The following CRKL variants were observed in gnomAD, a reference collection of about 807,000 sequenced individuals.
CRKL encodes the protein CRK like proto-oncogene, adaptor protein, also known as crk-like protein.
CRKL carries 3 observed loss-of-function variants against 23.0 expected under a neutral mutation model. That is an observed-to-expected ratio of 0.13 (90% CI 0.06 to 0.34). The LOEUF is 0.34. CRKL is among the 10% of genes least tolerant of loss of function. The pLI is 1.00. For missense variants in CRKL, 256 were observed against 394.5 expected (o/e 0.65, Z 2.97); for synonymous variants, 188 against 160.7 (o/e 1.17, Z -1.28).
At chr22:20,920,420 C>G (rs892305296) in intron 1 of CRKL, among the ~76,000 whole-genome samples, 1 of 151,510 alleles carries the variant, frequency 6.6e-6, no homozygotes, top group Non-Finnish European at 1.5e-5. Flanking sequence ...GAGAATCGCT[C>G]GAACCCGGGA....
chr22:20,947,682 T>C (rs942008385), intron 2 of CRKL, among the ~76,000 whole-genome samples: 1 of 141,280 alleles, frequency 7.1e-6, no homozygotes, highest in African/African-American at 2.7e-5. Flanking sequence ...TTTCATTTTT[T>C]TTTTTTTTTT....
At position 20,933,675 on chromosome 22, in the gene CRKL, A is replaced by G. The variant is rs911327475; in HGVS notation, c.312-104A>G. 3.9e-6 allele frequency: 4 copies of G among 1,014,722 alleles called. No individual in the cohort carries two copies. In the African/African-American group the frequency reaches 6.5e-5, roughly 16 times the overall value. The allele number at this position is 1,014,722 out of a possible 1,614,324, so 62.9% of individuals were successfully genotyped here. On this transcript the variant is annotated intron_variant, in intron 1 of 2. Coordinates refer to ENST00000354336, the MANE Select transcript of CRKL (RefSeq NM_005207.4). ...AAGAGCAAAACTTGTCTCATAAAAA[A>G]GGAAAATAATTTATTATAGAGGAGA...
chr22:20,923,820 T>C (rs866614953), intron 1 of CRKL, among the ~76,000 whole-genome samples: 1 of 146,120 alleles, frequency 6.8e-6, no homozygotes, highest in South Asian at 2.2e-4. Flanking sequence ...TCAGGGGATC[T>C]GCTCGCCTCG....
In CRKL at chr22:20,953,483, C is replaced by T. The variant is rs549180573; in HGVS notation, c.*3638C>T. 4.3e-6 allele frequency: 1 copy of T among 231,222 alleles called. No homozygotes were observed. Among genetic ancestry groups the T allele is most frequent in the South Asian group, 1.8e-4 (1 of 5,500 alleles). The allele number at this position is 231,222 out of a possible 1,614,324, so 14.3% of individuals were successfully genotyped here. On this transcript the variant is annotated 3_prime_UTR_variant, in exon 3 of 3. Coordinates refer to ENST00000354336, the MANE Select transcript of CRKL (RefSeq NM_005207.4). The stretch of plus-strand genomic sequence containing the variant: ...CTCTTTTGACCTGTAACTTAAAGAT[C>T]ATAAACTTCAGGCAATAATATTTTC...
At chr22:20,948,099 T>G (rs939099805) in intron 2 of CRKL, among the ~76,000 whole-genome samples, 1 of 152,200 alleles carries the variant, frequency 6.6e-6, no homozygotes, top group Admixed American at 6.5e-5. Context: ...ATGGAGTAGA[T>G]GTTCAGTAAA....
chr22:20,952,749 T>C lies in CRKL; in HGVS notation c.*2904T>C, dbSNP rs142185959. 6.7e-4 allele frequency: 155 copies of C among 231,802 alleles called. No homozygotes were observed. In the East Asian group the frequency reaches 8.0e-3, roughly 12 times the overall value. The allele number at this position is 231,802 out of a possible 1,614,324, so 14.4% of individuals were successfully genotyped here. ...GTTTTTCACCTGGGAAGGAAACAAA[T>C]TACGTACTAGAGGGCATTGACTGGT... On this transcript the variant is annotated 3_prime_UTR_variant, in exon 3 of 3. Transcript: ENST00000354336.
At chr22:20,932,346 C>T (rs140913435) in intron 1 of CRKL, among the ~76,000 whole-genome samples, 1 of 152,274 alleles carries the variant, frequency 6.6e-6, no homozygotes, top group African/African-American at 2.4e-5. Flanking sequence ...ATCTGCCTGC[C>T]TTGGCCTCCC....
In CRKL at chr22:20,951,809, A is replaced by G; in HGVS notation, c.*1964A>G. The G allele has an allele frequency of 9.1e-6, 2 of 220,918 alleles. No individual in the cohort carries two copies. The highest frequency in any genetic ancestry group is 1.8e-5 in the Non-Finnish European group (2 of 110,326). 13.7% of individuals were successfully genotyped at this position (220,918 alleles called of 1,614,324 possible). The stretch of plus-strand genomic sequence containing the variant: ...TGAGAGTGTTCCTGAGACAGAATTA[A>G]TGGTCATTTGGGAAAACTATCGCCA... On this transcript the variant is annotated 3_prime_UTR_variant, in exon 3 of 3. Transcript: ENST00000354336.
chr22:20,937,954 C>T (rs562623682), intron 2 of CRKL, among the ~76,000 whole-genome samples: 17 of 152,230 alleles, frequency 1.1e-4, no homozygotes, highest in Non-Finnish European at 8.8e-5. Context: ...GCTGCAACCT[C>T]CACCTCACGG....
intron 2 of CRKL, among the ~76,000 whole-genome samples, chr22:20,939,667 C>T (rs1921791955): frequency 9.0e-6 from 1 of 111,150 alleles, no homozygotes; most frequent in East Asian, 3.1e-4. Flanking sequence ...TTGTGTTTGC[C>T]TAGCCCAGTG....
intron 1 of CRKL, among the ~76,000 whole-genome samples, chr22:20,928,339 C>T (rs1304626845): frequency 1.3e-5 from 2 of 151,938 alleles, no homozygotes; most frequent in Non-Finnish European, 2.9e-5. Flanking sequence ...TGCCTGTAGT[C>T]CCAGCTACAT....
intron 1 of CRKL, among the ~76,000 whole-genome samples, chr22:20,921,737 C>G (rs549808796): frequency 8.0e-5 from 12 of 150,540 alleles, no homozygotes; most frequent in Admixed American, 4.0e-4. Flanking sequence ...TTTCTTGAGA[C>G]GGAGTCTTGC....
In CRKL at chr22:20,951,261, T is replaced by C. The variant is rs555511198; in HGVS notation, c.*1416T>C. On this transcript the variant is annotated 3_prime_UTR_variant, in exon 3 of 3. Coordinates refer to ENST00000354336, the MANE Select transcript of CRKL (RefSeq NM_005207.4). Reference sequence around the variant, plus strand: ...GGTGCTGCTCATACTGGTCTCACAGTCTAAGTAAGTGTCTGTGATGCTCCC... The same window carrying C: ...GGTGCTGCTCATACTGGTCTCACAGCCTAAGTAAGTGTCTGTGATGCTCCC... 1 of 232,506 alleles carries C rather than the reference T, an allele frequency of 4.3e-6. No homozygotes were observed. The highest frequency in any genetic ancestry group is 8.5e-6 in the Non-Finnish European group (1 of 117,662). The allele number at this position is 232,506 out of a possible 1,614,324, so 14.4% of individuals were successfully genotyped here. A position where few individuals can be genotyped will look rare whatever the true frequency, so the allele number is the denominator to read the frequency against.
chr22:20,952,481 G>T lies in CRKL; in HGVS notation c.*2636G>T. ...TGTGCCAAAACTAGTAAAACTTAAC[G>T]GACTTACAACCTTGTCAGTTTTTTT... is the stretch of plus-strand genomic sequence containing the variant. On this transcript the variant is annotated 3_prime_UTR_variant, in exon 3 of 3. Coordinates refer to ENST00000354336, the MANE Select transcript of CRKL (RefSeq NM_005207.4). 1 of 230,932 alleles carries T rather than the reference G, an allele frequency of 4.3e-6. No individual in the cohort carries two copies. The allele number at this position is 230,932 out of a possible 1,614,324, so 14.3% of individuals were successfully genotyped here. A position where few individuals can be genotyped will look rare whatever the true frequency, so the allele number is the denominator to read the frequency against.
intron 1 of CRKL, among the ~76,000 whole-genome samples, chr22:20,927,266 C>T (rs1404818373): frequency 6.3e-5 from 8 of 126,308 alleles, no homozygotes; most frequent in Middle Eastern, 5.4e-3. Flanking sequence ...TCTCGGTTCA[C>T]TGCAGTCTCC....
intron 2 of CRKL, among the ~76,000 whole-genome samples, chr22:20,944,487 C>T (rs1439941648): frequency 6.6e-6 from 1 of 152,128 alleles, no homozygotes; most frequent in African/African-American, 2.4e-5. Context: ...TCACTGCAAC[C>T]TCCACCTCCC....
At chr22:20,922,464 A>G (rs1328748242) in intron 1 of CRKL, among the ~76,000 whole-genome samples, 1 of 152,104 alleles carries the variant, frequency 6.6e-6, no homozygotes, top group African/African-American at 2.4e-5. Flanking sequence ...TGGGGCTGTT[A>G]TTGTAATCCA....
Position 20,951,231 on chromosome 22 carries a change from A to T in CRKL, c.*1386A>T, listed in dbSNP as rs1256454877. ...CCCAATCTCGTCAGGCTGCCAGAGA[A>T]AGTTGGTGCTGCTCATACTGGTCTC... On this transcript the variant is annotated 3_prime_UTR_variant, in exon 3 of 3. Transcript: ENST00000354336. 1 of 232,426 alleles carries T rather than the reference A, an allele frequency of 4.3e-6. No homozygotes were observed. The highest frequency in any genetic ancestry group is 2.2e-5 in the African/African-American group (1 of 45,310). 14.4% of individuals were successfully genotyped at this position (232,426 alleles called of 1,614,324 possible). A position where few individuals can be genotyped will look rare whatever the true frequency, so the allele number is the denominator to read the frequency against.
Position 20,950,327 on chromosome 22 carries a change from G to A in CRKL, c.*482G>A, listed in dbSNP as rs1439501351. On this transcript the variant is annotated 3_prime_UTR_variant, in exon 3 of 3. Transcript: ENST00000354336. ...TTCTGTTCTAAAACTCCAAAATCTG[G>A]CTTTTTTTTTTCTTTTGTTTTGGTT... is the stretch of plus-strand genomic sequence containing the variant. 1 of 143,770 alleles carries A rather than the reference G, an allele frequency of 7.0e-6. No homozygotes were observed. Among genetic ancestry groups the A allele is most frequent in the African/African-American group, 3.6e-5 (1 of 27,536 alleles). 8.9% of individuals were successfully genotyped at this position (143,770 alleles called of 1,614,324 possible).
Sources: gnomAD v4.1 joint callset for allele counts (sites outside exome capture counted in the v4.1 genomes callset) on GRCh38, gnomAD v4.1.1 for gene constraint, MANE v1.5 for transcripts, NCBI Gene and HGNC (gene_info 2026-07-23, HGNC 2026-07-21) for gene names.